Variants in EXD2 observed in about 807,000 individuals in gnomAD.
EXD2 encodes exonuclease 3'-5' domain containing 2.
A neutral mutation model predicts 62.5 loss-of-function variants in EXD2; 40 were observed. That is an observed-to-expected ratio of 0.64 (90% confidence interval 0.50 to 0.83). The LOEUF (loss-of-function observed/expected upper bound fraction) is 0.83, where lower values mean the gene tolerates loss of function less well. EXD2 is among the 40% of genes least tolerant of loss of function. EXD2 has a pLI of 0.00. For missense variants in EXD2, 671 were observed against 761.8 expected (o/e 0.88, Z 1.40); for synonymous variants, 239 against 291.9 (o/e 0.82, Z 1.85).
intron 1 of EXD2, among the ~76,000 whole-genome samples, chr14:69,197,330 C>G (rs1161773610): frequency 2.6e-5 from 4 of 151,508 alleles, no homozygotes; most frequent in African/African-American, 7.3e-5. Flanking sequence ...TTTGTGTATT[C>G]TAGATACACA....
intron 1 of EXD2, among the ~76,000 whole-genome samples, chr14:69,203,166 C>G (rs1241624515): frequency 6.6e-6 from 1 of 152,148 alleles, no homozygotes; most frequent in Non-Finnish European, 1.5e-5. Context: ...TCAGGTGATT[C>G]TCCCATCTCA....
At chr14:69,209,388 C>T (rs780516504) in intron 2 of EXD2, 36 bp from the exon 3 acceptor site, 466 of 1,171,666 alleles carry the variant, frequency 4.0e-4, no homozygotes, top group Non-Finnish European at 5.2e-4. Flanking sequence ...GGTTTATATT[C>T]TGTATATAAA....
At chr14:69,222,576 C>A (rs921751164) in intron 3 of EXD2, among the ~76,000 whole-genome samples, 1 of 152,144 alleles carries the variant, frequency 6.6e-6, no homozygotes, top group African/African-American at 2.4e-5. Context: ...TCCTGTTTTA[C>A]CTGATATCTA....
At chr14:69,219,721 AC>A (rs1449571980) in intron 3 of EXD2, among the ~76,000 whole-genome samples, 4 of 152,332 alleles carry the variant, frequency 2.6e-5, no homozygotes, top group African/African-American at 9.6e-5. Context: ...TTCTAAACTC[AC>A]TTGTTCTAAT....
intron 3 of EXD2, among the ~76,000 whole-genome samples, chr14:69,219,116 G>A (rs962235657): frequency 2.6e-5 from 4 of 152,102 alleles, no homozygotes; most frequent in South Asian, 2.1e-4. Context: ...CCATTTTCAC[G>A]ATATTGATTC....
intron 5 of EXD2, among the ~76,000 whole-genome samples, chr14:69,234,314 A>G (rs1026514140): frequency 6.6e-6 from 1 of 152,210 alleles, no homozygotes; most frequent in Non-Finnish European, 1.5e-5. Context: ...GACTGCCTCC[A>G]AAGTGAATTT....
intron 3 of EXD2, among the ~76,000 whole-genome samples, chr14:69,226,168 T>G (rs1045225827): frequency 6.6e-6 from 1 of 152,222 alleles, no homozygotes; most frequent in Non-Finnish European, 1.5e-5. Context: ...TAGCTTTTTC[T>G]TGGAGAAAGC....
At chr14:69,196,954 G>A (rs1489379913) in intron 1 of EXD2, among the ~76,000 whole-genome samples, 1 of 152,088 alleles carries the variant, frequency 6.6e-6, no homozygotes, top group Non-Finnish European at 1.5e-5. Context: ...ATCCTACTTG[G>A]TGTAAAGTGG....
intron 3 of EXD2, among the ~76,000 whole-genome samples, chr14:69,226,238 C>T (rs182596835): frequency 6.5e-4 from 99 of 152,256 alleles, no homozygotes; most frequent in African/African-American, 2.1e-3. Context: ...TGGTCACATC[C>T]GGATGAATTA....
intron 2 of EXD2, among the ~76,000 whole-genome samples, chr14:69,208,288 G>A (rs1370604010): frequency 7.2e-6 from 1 of 139,858 alleles, no homozygotes. Flanking sequence ...TCGGCTCACT[G>A]CAAGCTCCGC....
rs75083088 is a variant in EXD2, at chr14:69,209,744, G to A, written c.274G>A (p.Glu92Lys). The A allele has an allele frequency of 1.2e-4, 189 of 1,547,532 alleles. 1 individual carries two copies. The East Asian group carries it at 4.3e-3, about 35-fold the overall frequency. The change falls in exon 3 of 10, where the codon GAG (glutamate) becomes AAG (lysine). Residue 92 changes from glutamate to lysine, a missense_variant. By Grantham distance (56) the Glu-to-Lys change is moderately conservative. Coordinates refer to ENST00000685843, the MANE Select transcript of EXD2 (RefSeq NM_001193360.2). ...TCAGGAGGCAGAGTGGGATCAAATC[G>A]AGCCCTTGCTTAGAAGTGAATTAGA... Reference protein sequence around the residue: ...VSQEAEWDQIEPLLRSELEDF... With the variant: ...VSQEAEWDQIKPLLRSELEDF...
At chr14:69,192,587 T>G (rs931471155) in intron 1 of EXD2, among the ~76,000 whole-genome samples, 4 of 152,172 alleles carry the variant, frequency 2.6e-5, no homozygotes, top group Non-Finnish European at 4.4e-5. Context: ...TTTTTCCATC[T>G]CCACCTTCTT....
chr14:69,198,454 C>T (rs2042281779), intron 1 of EXD2, among the ~76,000 whole-genome samples: 1 of 152,232 alleles, frequency 6.6e-6, no homozygotes, highest in South Asian at 2.1e-4. Context: ...ACATTAGTAC[C>T]ATGGTGGTCT....
intron 1 of EXD2, chr14:69,192,218 C>T (rs1484354926): frequency 2.6e-5 from 4 of 152,154 alleles, no homozygotes; most frequent in African/African-American, 9.7e-5. Context: ...ACCAATCCCC[C>T]GATAAGCTTT....
rs546941388 is a variant in EXD2 at position 69,230,894 on chromosome 14, T to C, written c.717+296T>C. 2.0e-5 allele frequency among the ~76,000 whole-genome samples: 3 copies of C among 152,304 alleles called. No homozygotes were observed. In the East Asian group the frequency reaches 5.8e-4, roughly 29 times the overall value. ...GCCTCCTGGGTTCAAGCAATTCTCC[T>C]GCCTCAGCCTCCTGAGTAGCTGAGA... is the stretch of plus-strand genomic sequence containing the variant. On this transcript the variant is annotated intron_variant, in intron 5 of 9. Coordinates refer to ENST00000685843, the MANE Select transcript of EXD2 (RefSeq NM_001193360.2).
intron 3 of EXD2, among the ~76,000 whole-genome samples, chr14:69,220,416 G>A (rs1321657222): frequency 2.7e-5 from 4 of 148,878 alleles, no homozygotes; most frequent in Admixed American, 6.7e-5. Context: ...GACTACAGGC[G>A]CCCGCCACCA....
chr14:69,234,549 A>G (rs551873235), intron 5 of EXD2, 151 bp from the exon 6 acceptor site: 2 of 621,774 alleles, frequency 3.2e-6, no homozygotes, highest in Non-Finnish European at 5.4e-6. Flanking sequence ...AATTTTTATA[A>G]TAAGAAGTTT....
chr14:69,226,777 T>G (rs2043379160), intron 3 of EXD2, among the ~76,000 whole-genome samples: 1 of 151,478 alleles, frequency 6.6e-6, no homozygotes. Context: ...CTCCCAGTTT[T>G]TTTTTTTTTT....
At chr14:69,206,110 G>A (rs569301508) in intron 2 of EXD2, among the ~76,000 whole-genome samples, 2 of 151,950 alleles carry the variant, frequency 1.3e-5, no homozygotes, top group East Asian at 3.9e-4. Context: ...GTAGAGAGAC[G>A]GGCTTTCACT....
Sources: allele counts gnomAD v4.1 joint callset (sites outside exome capture counted in the v4.1 genomes callset), GRCh38; gene constraint gnomAD v4.1.1; transcripts MANE v1.5; gene names NCBI Gene and HGNC (gene_info 2026-07-23, HGNC 2026-07-21).